NADK2: variants seen among roughly 807,000 people sequenced by gnomAD.
NADK2 encodes the protein NAD kinase domain-containing protein 1, mitochondrial.
In NADK2, 35 loss-of-function variants were observed where a neutral mutation model predicts 62.1. That is an observed-to-expected ratio of 0.56 (90% CI 0.43 to 0.75). The LOEUF is 0.75. Among genes scored for constraint, NADK2 ranks in the 30% least tolerant of loss-of-function variants. The pLI, the probability that NADK2 is intolerant of heterozygous loss-of-function variation, is 0.00. For missense variants in NADK2, 439 were observed against 561.3 expected, an observed-to-expected ratio of 0.78 and a Z score of 2.20; for synonymous variants, 205 against 207.9, an observed-to-expected ratio of 0.99 and a Z score of 0.12.
chr5:36,221,569 A>C (rs917861768), intron 4 of NADK2: 2 of 152,232 alleles, frequency 1.3e-5, no homozygotes, highest in African/African-American at 4.8e-5. Flanking sequence ...AAGATAAAGA[A>C]ATCAGACAAC....
chr5:36,207,982 C>T (rs1031974426), intron 7 of NADK2, among the ~76,000 whole-genome samples: 4 of 152,064 alleles, frequency 2.6e-5, no homozygotes, highest in African/African-American at 7.2e-5. Flanking sequence ...ATTCAAAGAA[C>T]TTTTGCAATG....
intron 6 of NADK2, among the ~76,000 whole-genome samples, chr5:36,217,343 G>A (rs373606471): frequency 2.0e-5 from 3 of 152,022 alleles, no homozygotes; most frequent in African/African-American, 7.2e-5. Context: ...TCCTAAGGCT[G>A]GAATGCAAAA....
chr5:36,241,461 C>G lies in NADK2; in HGVS notation c.300+38G>C, dbSNP rs1426558931. ...GCGCAGCCGCCACCAGAGCCCCGGC[C>G]GAGCCCGGGAGCGAAGCGGGGCCGA... On this transcript the variant is annotated intron_variant, in intron 1 of 11. Transcript: ENST00000381937. This position sits in a 1 kb window ranked among gnomAD's most constrained non-coding sequence, Gnocchi z 4.9. 1.3e-6 allele frequency: 2 copies of G among 1,498,054 alleles called. No individual in the cohort carries two copies. The highest frequency in any genetic ancestry group is 1.8e-6 in the Non-Finnish European group (2 of 1,128,784). 92.8% of individuals were successfully genotyped at this position (1,498,054 alleles called of 1,614,324 possible). A position where few individuals can be genotyped will look rare whatever the true frequency, so the allele number is the denominator to read the frequency against.
At chr5:36,235,566 ACT>A (rs1190045156) in intron 1 of NADK2, among the ~76,000 whole-genome samples, 1 of 152,120 alleles carries the variant, frequency 6.6e-6, no homozygotes, top group Non-Finnish European at 1.5e-5. Flanking sequence ...CAGGATCAAA[ACT>A]CTGATCTTCT....
intron 1 of NADK2, among the ~76,000 whole-genome samples, chr5:36,235,742 C>G (rs1747881102): frequency 2.0e-5 from 3 of 152,158 alleles, no homozygotes. Flanking sequence ...AACAACTATT[C>G]TGTTCTTTAT....
chr5:36,237,193 A>G (rs982971668), intron 1 of NADK2, among the ~76,000 whole-genome samples: 2 of 152,220 alleles, frequency 1.3e-5, no homozygotes, highest in Non-Finnish European at 2.9e-5. Context: ...AGCTTGATTT[A>G]CATGCATATA....
intron 7 of NADK2, among the ~76,000 whole-genome samples, chr5:36,209,956 C>A (rs116515749): frequency 6.6e-6 from 1 of 152,146 alleles, no homozygotes; most frequent in Non-Finnish European, 1.5e-5. Context: ...TTTTTCGGCA[C>A]AACCCGAGTT....
Position 36,226,523 on chromosome 5 carries a change from ATTCTCTCC to A in NADK2, c.422_429del (p.Arg141IlefsTer2). On this transcript the variant is annotated frameshift_variant, in exon 3 of 12. Coordinates refer to ENST00000381937, the MANE Select transcript of NADK2 (RefSeq NM_001085411.3). LOFTEE classifies it high-confidence loss of function. Reference sequence around the variant, plus strand: ...GCCCATCGAACAGTCTCTTCATCATATTCTCTCCTCTTTACTAGACGAACCTCAATTCC... The same window carrying A: ...GCCCATCGAACAGTCTCTTCATCATATCTTTACTAGACGAACCTCAATTCC... The A allele has an allele frequency of 6.2e-7, 1 of 1,613,138 alleles. No individual in the cohort carries two copies. Among genetic ancestry groups the A allele is most frequent in the Non-Finnish European group, 8.5e-7 (1 of 1,179,534 alleles).
intron 8 of NADK2, among the ~76,000 whole-genome samples, chr5:36,203,783 G>C (rs1023517664): frequency 2.0e-5 from 3 of 152,064 alleles, no homozygotes; most frequent in African/African-American, 7.2e-5. Flanking sequence ...CCCCTCCCCA[G>C]ACAGAAGCCC....
Position 36,197,568 on chromosome 5 carries a change from C to G in NADK2, c.1163G>C (p.Ser388Thr). 1 of 1,612,322 alleles carries G rather than the reference C, an allele frequency of 6.2e-7. No homozygotes were observed. The highest frequency in any genetic ancestry group is 8.5e-7 in the Non-Finnish European group (1 of 1,178,950). ...TGAGGAGAAACAACGCTGACGACTG[C>G]TTGAGAAAACTCTATTTGCTATTGG... is the stretch of plus-strand genomic sequence containing the variant. ...REPIANRVFSSSRQRCFSSKV... is the reference protein window; with the variant it reads ...REPIANRVFSTSRQRCFSSKV... The change falls in exon 11 of 12, where the codon AGC becomes ACC. Residue 388 changes from serine (S) to threonine (T), a missense_variant. Ser to Thr is a moderately conservative substitution (Grantham distance 58). Transcript: ENST00000381937.
At chr5:36,197,202 C>G (rs1746261965) in intron 11 of NADK2, among the ~76,000 whole-genome samples, 1 of 151,872 alleles carries the variant, frequency 6.6e-6, no homozygotes, top group Non-Finnish European at 1.5e-5. Context: ...TGTTTTTATT[C>G]TACAGCTTAT....
intron 4 of NADK2, 91 bp from the exon 5 acceptor site, chr5:36,219,770 T>C (rs1456002970): frequency 5.8e-5 from 52 of 899,110 alleles, no homozygotes; most frequent in Non-Finnish European, 7.0e-6. Context: ...CACTAAGCTA[T>C]AAAAATAAGA....
chr5:36,208,479 A>G, intron 7 of NADK2: 1 of 609,310 alleles, frequency 1.6e-6, no homozygotes, highest in Admixed American at 3.0e-5. Flanking sequence ...AGAGAGAAAG[A>G]CAAGTACAGT....
chr5:36,229,391 C>T (rs1747621072), intron 1 of NADK2, among the ~76,000 whole-genome samples: 1 of 152,146 alleles, frequency 6.6e-6, no homozygotes, highest in African/African-American at 2.4e-5. Flanking sequence ...TAAAGGAAAG[C>T]ACTGACTATG....
At chr5:36,195,818 C>A (rs1357785005) in intron 11 of NADK2, among the ~76,000 whole-genome samples, 1 of 152,196 alleles carries the variant, frequency 6.6e-6, no homozygotes, top group South Asian at 2.1e-4. Flanking sequence ...CCTCCTCAAG[C>A]ATACGCACCT....
chr5:36,211,248 A>G (rs1176075660), intron 7 of NADK2, among the ~76,000 whole-genome samples: 2 of 152,218 alleles, frequency 1.3e-5, no homozygotes, highest in African/African-American at 4.8e-5. Flanking sequence ...AAAGACAGGT[A>G]TAAGAAATTA....
intron 5 of NADK2, 114 bp downstream of exon 5, chr5:36,219,482 A>T (rs978793401): frequency 1.1e-6 from 1 of 876,572 alleles, no homozygotes; most frequent in Non-Finnish European, 1.8e-6. Flanking sequence ...AAGTACTGGG[A>T]TTACAGGCGT....
intron 1 of NADK2, among the ~76,000 whole-genome samples, chr5:36,234,651 A>G (rs1235770586): frequency 1.3e-5 from 2 of 152,222 alleles, no homozygotes; most frequent in Non-Finnish European, 2.9e-5. Context: ...AGTTGGATGC[A>G]TAAGGCTTTA....
intron 1 of NADK2, among the ~76,000 whole-genome samples, chr5:36,228,649 G>A (rs1747580925): frequency 6.6e-6 from 1 of 150,972 alleles, no homozygotes; most frequent in Admixed American, 6.6e-5. Flanking sequence ...GACGGGGTCT[G>A]GCTCTGTTGC....
Sources: allele counts gnomAD v4.1 joint callset (sites outside exome capture counted in the v4.1 genomes callset), GRCh38; gene constraint gnomAD v4.1.1; non-coding constraint Gnocchi (gnomAD v3.1); transcripts MANE v1.5; gene names NCBI Gene and HGNC (gene_info 2026-07-23, HGNC 2026-07-21).